Variants in ELOVL6 observed in about 807,000 individuals in gnomAD.
ELOVL6 encodes the protein ELOVL fatty acid elongase 6.
ELOVL6 carries 8 observed loss-of-function variants against 31.7 expected under a neutral mutation model. That is an observed-to-expected ratio of 0.25 (90% confidence interval 0.15 to 0.45). The LOEUF (loss-of-function observed/expected upper bound fraction) is 0.45. Among genes scored for constraint, ELOVL6 ranks in the 20% least tolerant of loss-of-function variants. The pLI, the probability that ELOVL6 is intolerant of heterozygous loss-of-function variation, is 1.00. For synonymous variants in ELOVL6, 101 were observed against 117.7 expected, an observed-to-expected ratio of 0.86 and a Z score of 0.92; for missense variants, 126 against 326.4, an observed-to-expected ratio of 0.39 and a Z score of 4.73.
In ELOVL6 at chr4:110,088,638, C is replaced by T. The variant is rs1412784413; in HGVS notation, c.221+16859G>A. On this transcript the variant is annotated intron_variant, in intron 2 of 3. Transcript: ENST00000302274. Reference sequence around the variant, plus strand: ...AAACCTTTCACCTTTTCTCTTAAAGCACTTTCTGGCTTCTCTTTGGCATAT... The same window carrying T: ...AAACCTTTCACCTTTTCTCTTAAAGTACTTTCTGGCTTCTCTTTGGCATAT... 2.6e-5 allele frequency among the ~76,000 whole-genome samples: 4 copies of T among 152,278 alleles called. No individual in the cohort carries two copies. The East Asian group carries it at 7.7e-4, about 29-fold the overall frequency.
chr4:110,158,657 ATT>A (rs1184682018), intron 1 of ELOVL6, among the ~76,000 whole-genome samples: 129 of 74,128 alleles, frequency 1.7e-3, no homozygotes, highest in Middle Eastern at 9.8e-3. Flanking sequence ...ATATATATAT[ATT>A]TTTTTTTTTT....
chr4:110,192,738 C>T (rs1357657476), intron 1 of ELOVL6, among the ~76,000 whole-genome samples: 1 of 152,196 alleles, frequency 6.6e-6, no homozygotes, highest in Admixed American at 6.5e-5. Context: ...GGACCCCACA[C>T]AGATTACACG....
chr4:110,107,198 C>T (rs1165074739), intron 1 of ELOVL6, among the ~76,000 whole-genome samples: 1 of 152,146 alleles, frequency 6.6e-6, no homozygotes, highest in East Asian at 1.9e-4. Flanking sequence ...TGCAAGTGAC[C>T]TACTTAGTGA....
chr4:110,196,371 G>A (rs1219601726), intron 1 of ELOVL6, among the ~76,000 whole-genome samples: 2 of 152,292 alleles, frequency 1.3e-5, no homozygotes, highest in Admixed American at 6.5e-5. Flanking sequence ...GAGAAGACCC[G>A]GGCCCGGGGC....
rs943500047 is a variant in ELOVL6 at position 110,198,486 on chromosome 4, C to G, written c.-151G>C. ...TCGGTCTCCAGCGGTCGTCTCTTCT[C>G]CCAGCCTCTCAGCTACATCCAGGGC... On this transcript the variant is annotated 5_prime_UTR_variant, in exon 1 of 4. Coordinates refer to ENST00000302274, the MANE Select transcript of ELOVL6 (RefSeq NM_024090.3). The G allele has an allele frequency of 2.5e-5, 15 of 597,784 alleles. No individual in the cohort carries two copies. The highest frequency in any genetic ancestry group is 4.5e-5 in the Non-Finnish European group (15 of 336,082). The allele number at this position is 597,784 out of a possible 1,614,324, so 37.0% of individuals were successfully genotyped here.
intron 1 of ELOVL6, among the ~76,000 whole-genome samples, chr4:110,189,945 C>T (rs889394562): frequency 1.4e-5 from 2 of 144,626 alleles, no homozygotes; most frequent in East Asian, 2.1e-4. Flanking sequence ...CCAGCCTGGG[C>T]GACAGAGCCA....
At position 110,051,269 on chromosome 4, in the gene ELOVL6, G is replaced by A; in HGVS notation, c.*69C>T. 6.7e-7 allele frequency: 1 copy of A among 1,493,576 alleles called. No individual in the cohort carries two copies. The highest frequency in any genetic ancestry group is 9.1e-7 in the Non-Finnish European group (1 of 1,095,800). 92.5% of individuals were successfully genotyped at this position (1,493,576 alleles called of 1,614,324 possible). On this transcript the variant is annotated 3_prime_UTR_variant, in exon 4 of 4. Transcript: ENST00000302274. This position sits in a 1 kb window ranked among gnomAD's most constrained non-coding sequence, Gnocchi z 4.8. ...TTAGCTGCACCACGTGTGATTCCTT[G>A]TGCCATTTTCTTTTGTCTATTATTT...
intron 2 of ELOVL6, among the ~76,000 whole-genome samples, chr4:110,062,017 G>A (rs939587440): frequency 6.6e-6 from 1 of 152,056 alleles, no homozygotes; most frequent in Non-Finnish European, 1.5e-5. Context: ...TCTTTCAGTG[G>A]TCAAATATTT....
At chr4:110,153,388 T>G (rs74690343) in intron 1 of ELOVL6, among the ~76,000 whole-genome samples, 17,679 of 152,172 alleles carry the variant, frequency 0.12, 1,101 homozygotes, top group Non-Finnish European at 0.12. Context: ...CTCTTTTGAG[T>G]GATTTAAACT....
At chr4:110,187,548 T>G (rs1231469729) in intron 1 of ELOVL6, among the ~76,000 whole-genome samples, 1 of 151,634 alleles carries the variant, frequency 6.6e-6, no homozygotes, top group Non-Finnish European at 1.5e-5. Context: ...TACAAAAAAT[T>G]AGCCTGGCAT....
chr4:110,070,522 T>C (rs1026549577), intron 2 of ELOVL6, among the ~76,000 whole-genome samples: 1 of 152,214 alleles, frequency 6.6e-6, no homozygotes, highest in Non-Finnish European at 1.5e-5. Flanking sequence ...CAGTGCTCCA[T>C]TAACTCCATC....
chr4:110,097,798 A>G (rs1756629308), intron 2 of ELOVL6, among the ~76,000 whole-genome samples: 1 of 47,196 alleles, frequency 2.1e-5, no homozygotes, highest in Non-Finnish European at 3.6e-5. Context: ...TGCCTTCAGA[A>G]AAAAAAAAAA....
chr4:110,083,107 A>C (rs1755929473), intron 2 of ELOVL6, among the ~76,000 whole-genome samples: 1 of 151,786 alleles, frequency 6.6e-6, no homozygotes, highest in African/African-American at 2.4e-5. Flanking sequence ...TATGCCGACT[A>C]CATACTAGGT....
At chr4:110,094,445 T>TATATATATATATAAA (rs1756519913) in intron 2 of ELOVL6, among the ~76,000 whole-genome samples, 112 of 47,364 alleles carry the variant, frequency 2.4e-3, no homozygotes, top group East Asian at 4.5e-3. Context: ...ATATATATAA[T>TATATATATATATAAA]ATATATAACA....
chr4:110,095,480 TA>T lies in ELOVL6; in HGVS notation c.221+10016del, dbSNP rs11396794. 9.3e-3 allele frequency among the ~76,000 whole-genome samples: 1,195 copies of T among 129,006 alleles called. 8 individuals are homozygous for T. The highest frequency in any genetic ancestry group is 0.011 in the African/African-American group (376 of 34,538). 84.6% of individuals were successfully genotyped at this position (129,006 alleles called of 152,430 possible). A position where few individuals can be genotyped will look rare whatever the true frequency, so the allele number is the denominator to read the frequency against. On this transcript the variant is annotated intron_variant, in intron 2 of 3. Transcript: ENST00000302274. ...CTGGGTGAAAGGGCGAAACTGTCTT[TA>T]AAAAAAAAAAAAAAAAAGGCATGAA...
At chr4:110,114,411 T>A (rs1036134960) in intron 1 of ELOVL6, among the ~76,000 whole-genome samples, 1 of 152,176 alleles carries the variant, frequency 6.6e-6, no homozygotes, top group Non-Finnish European at 1.5e-5. Flanking sequence ...AATCTCAAGA[T>A]TGGAACAGAC....
chr4:110,061,624 T>G (rs539720824), intron 2 of ELOVL6, among the ~76,000 whole-genome samples: 1 of 142,752 alleles, frequency 7.0e-6, no homozygotes, highest in East Asian at 2.3e-4. Flanking sequence ...TGGCATGATC[T>G]CAGCTCACTG....
intron 1 of ELOVL6, among the ~76,000 whole-genome samples, chr4:110,187,161 T>C (rs974529557): frequency 6.6e-6 from 1 of 151,814 alleles, no homozygotes; most frequent in African/African-American, 2.4e-5. Context: ...ATTAGAGGCA[T>C]ATGAGTAAAA....
intron 1 of ELOVL6, among the ~76,000 whole-genome samples, chr4:110,177,476 A>G (rs963543536): frequency 1.3e-5 from 2 of 151,750 alleles, no homozygotes; most frequent in Non-Finnish European, 2.9e-5. Context: ...TAATAATAAA[A>G]TAAGAGCATA....
Sources: allele counts gnomAD v4.1 joint callset (sites outside exome capture counted in the v4.1 genomes callset), GRCh38; gene constraint gnomAD v4.1.1; non-coding constraint Gnocchi (gnomAD v3.1); transcripts MANE v1.5; gene names NCBI Gene and HGNC (gene_info 2026-07-23, HGNC 2026-07-21).